Variants in CD72 observed in about 807,000 individuals in gnomAD.
CD72 encodes CD72 molecule.
Under a neutral mutation model 50.7 loss-of-function variants are expected in CD72, and 28 were observed. The ratio of observed to expected loss-of-function variants is 0.55; its 90% CI spans 0.41 to 0.76. CD72 has a LOEUF of 0.76. CD72 is among the 30% of genes least tolerant of loss of function. The pLI, the probability that CD72 is intolerant of heterozygous loss-of-function variation, is 0.00. For synonymous variants in CD72, 176 were observed against 171.2 expected, an observed-to-expected ratio of 1.03 and a Z score of -0.22; for missense variants, 403 against 420.6, an observed-to-expected ratio of 0.96 and a Z score of 0.37.
intron 1 of CD72, among the ~76,000 whole-genome samples, chr9:35,636,843 A>G (rs1270487897): frequency 6.6e-6 from 1 of 152,158 alleles, no homozygotes; most frequent in Admixed American, 6.5e-5. Flanking sequence ...GCCCAAGAAA[A>G]GCCATTATAT....
chr9:35,645,228 G>T (rs1823380003), intron 1 of CD72, among the ~76,000 whole-genome samples: 1 of 149,980 alleles, frequency 6.7e-6, no homozygotes, highest in African/African-American at 2.4e-5. Flanking sequence ...GAATTCATTA[G>T]CTTACATAGC....
chr9:35,645,634 G>A (rs941655969), intron 1 of CD72, among the ~76,000 whole-genome samples: 3 of 152,006 alleles, frequency 2.0e-5, no homozygotes, highest in Admixed American at 6.6e-5. Flanking sequence ...CATTGTATGC[G>A]TATATCAAAA....
intron 7 of CD72, among the ~76,000 whole-genome samples, chr9:35,611,067 C>T (rs887046801): frequency 1.8e-4 from 27 of 152,236 alleles, no homozygotes; most frequent in African/African-American, 6.5e-4. Context: ...CTGACTAACA[C>T]GGTGAAACCC....
upstream of CD72, among the ~76,000 whole-genome samples, chr9:35,623,968 G>A (rs1225085190): frequency 6.6e-6 from 1 of 151,164 alleles, no homozygotes; most frequent in African/African-American, 2.4e-5. Context: ...AGTGGCTCAC[G>A]CCTGTAATCC....
chr9:35,622,786 C>CAAAAA (rs898134466), upstream of CD72, among the ~76,000 whole-genome samples: 1 of 148,290 alleles, frequency 6.7e-6, no homozygotes, highest in Non-Finnish European at 1.5e-5. Flanking sequence ...GACTCTGTCT[C>CAAAAA]AAAAAAAATA....
chr9:35,610,432 T>TTC, intron 8 of CD72, 132 bp from the exon 9 acceptor site: 1 of 270,272 alleles, frequency 3.7e-6, no homozygotes, highest in Non-Finnish European at 7.4e-6. Context: ...TACCTGTCCC[T>TTC]CCCTGCCCAC....
intron 1 of CD72, chr9:35,643,558 C>A (rs751845740): frequency 6.6e-6 from 1 of 152,176 alleles, no homozygotes; most frequent in Admixed American, 6.5e-5. Context: ...GTAGACTAAG[C>A]GCGCCGAGTC....
chr9:35,619,395 GA>G (rs1276068463), upstream of CD72: 2 of 151,856 alleles, frequency 1.3e-5, no homozygotes, highest in Non-Finnish European at 2.9e-5. Flanking sequence ...GAAGGAGCTA[GA>G]ACAAGATGTA....
chr9:35,634,818 T>A (rs1056837909), intron 1 of CD72, among the ~76,000 whole-genome samples: 3 of 152,242 alleles, frequency 2.0e-5, no homozygotes, highest in Non-Finnish European at 4.4e-5. Context: ...ATTTCCCTTA[T>A]AGTGTGTTCC....
chr9:35,615,807 G>T, intron 5 of CD72, 136 bp downstream of exon 5: 2 of 680,672 alleles, frequency 2.9e-6, no homozygotes, highest in Non-Finnish European at 2.5e-6. Flanking sequence ...AGGCTGAACA[G>T]CTCATGTCAG....
chr9:35,614,125 A>G (rs952888365), intron 5 of CD72, among the ~76,000 whole-genome samples: 2 of 152,108 alleles, frequency 1.3e-5, no homozygotes, highest in African/African-American at 2.4e-5. Flanking sequence ...AAGGATTTTT[A>G]TTTTTATATT....
At chr9:35,642,911 C>T (rs1823352570) in intron 1 of CD72, 1 of 152,178 alleles carries the variant, frequency 6.6e-6, no homozygotes, top group Non-Finnish European at 1.5e-5. Context: ...TTCCGGCCCT[C>T]AAACCCCACA....
At chr9:35,644,027 G>A (rs1193043976) in intron 1 of CD72, among the ~76,000 whole-genome samples, 1 of 148,976 alleles carries the variant, frequency 6.7e-6, no homozygotes, top group East Asian at 2.0e-4. Context: ...ACTTTAGAAC[G>A]CTTCTCCTGA....
At chr9:35,632,820 T>C (rs897912571) in intron 1 of CD72, among the ~76,000 whole-genome samples, 4 of 151,152 alleles carry the variant, frequency 2.6e-5, no homozygotes, top group Non-Finnish European at 4.4e-5. Flanking sequence ...TCAGGTGATC[T>C]GCCTGCCTCA....
chr9:35,622,553 C>T (rs1823153937), upstream of CD72, among the ~76,000 whole-genome samples: 1 of 152,022 alleles, frequency 6.6e-6, no homozygotes, highest in African/African-American at 2.4e-5. Flanking sequence ...CCTTGGGAAG[C>T]CAAGGTGCAC....
chr9:35,636,856 C>G (rs778506612), intron 1 of CD72, among the ~76,000 whole-genome samples: 2 of 152,182 alleles, frequency 1.3e-5, no homozygotes, highest in Non-Finnish European at 2.9e-5. Flanking sequence ...CATTATATCC[C>G]CTGTGACCTG....
intron 7 of CD72, among the ~76,000 whole-genome samples, chr9:35,611,495 G>A (rs1028935706): frequency 6.6e-6 from 1 of 152,166 alleles, no homozygotes; most frequent in African/African-American, 2.4e-5. Context: ...ATGGAGAAAC[G>A]CTGCTGTCAT....
chr9:35,625,642 G>T (rs1445915004), intron 1 of CD72, among the ~76,000 whole-genome samples: 1 of 152,186 alleles, frequency 6.6e-6, no homozygotes, highest in Non-Finnish European at 1.5e-5. Context: ...TTCATAGCTG[G>T]AGAAGAAAAG....
intron 1 of CD72, among the ~76,000 whole-genome samples, chr9:35,631,648 C>A (rs1390374239): frequency 2.0e-5 from 3 of 152,224 alleles, no homozygotes; most frequent in Non-Finnish European, 4.4e-5. Context: ...AATCCCAACA[C>A]TTTGGGAGGC....
Sources: gnomAD v4.1 joint callset for allele counts (sites outside exome capture counted in the v4.1 genomes callset) on GRCh38, gnomAD v4.1.1 for gene constraint, MANE v1.5 for transcripts, NCBI Gene and HGNC (gene_info 2026-07-23, HGNC 2026-07-21) for gene names.